The following VGLL1 variants were observed in gnomAD, a reference collection of about 807,000 sequenced individuals.
The protein encoded by VGLL1 is vestigial like family member 1.
Under a neutral mutation model 12.0 loss-of-function variants are expected in VGLL1, and 4 were observed. The observed-to-expected ratio is 0.33, with a 90% CI of 0.16 to 0.76. The LOEUF is 0.76. Among genes scored for constraint, VGLL1 ranks in the 30% least tolerant of loss-of-function variants. VGLL1 has a pLI of 0.60. For missense variants in VGLL1, 204 were observed against 208.7 expected (o/e 0.98, Z 0.14); for synonymous variants, 87 against 81.2 (o/e 1.07, Z -0.39).
intron 2 of VGLL1, among the ~76,000 whole-genome samples, chrX:136,545,730 G>T (rs1295658897): frequency 9.0e-6 from 1 of 111,391 alleles, no homozygotes; most frequent in East Asian, 2.8e-4. Context: ...TGGAGGGAAG[G>T]TACTCTGGAA....
chrX:136,536,270 T>C, intron 2 of VGLL1, 36 bp downstream of exon 2: 2 of 1,165,674 alleles, frequency 1.7e-6, no homozygotes, highest in Non-Finnish European at 2.3e-6. Context: ...TGGGATTCCC[T>C]ATCAAGGCTG....
intron 2 of VGLL1, 74 bp from the exon 3 acceptor site, chrX:136,548,515 G>A (rs1446185449): frequency 3.0e-6 from 3 of 1,015,582 alleles, no homozygotes; most frequent in Non-Finnish European, 4.0e-6. Flanking sequence ...AATAGAGTAT[G>A]TATTAAAAAA....
At chrX:136,548,498 T>TA (rs753971597) in intron 2 of VGLL1, 91 bp from the exon 3 acceptor site, 52 of 917,876 alleles carry the variant, frequency 5.7e-5, no homozygotes, top group Middle Eastern at 5.7e-4. Context: ...TCCTTCAAGT[T>TA]AAAAAAAATA....
intron 2 of VGLL1, 95 bp from the exon 3 acceptor site, chrX:136,548,494 A>T: frequency 1.1e-6 from 1 of 897,261 alleles, no homozygotes; most frequent in Non-Finnish European, 1.5e-6. Context: ...TATTTCCTTC[A>T]AGTTAAAAAA....
At chrX:136,537,812 C>A (rs980936454) in intron 2 of VGLL1, among the ~76,000 whole-genome samples, 101 of 109,982 alleles carry the variant, frequency 9.2e-4, no homozygotes, top group Middle Eastern at 4.2e-3. Context: ...GCGATCCTCC[C>A]ACTTCAGCCT....
At chrX:136,546,006 G>A (rs760155553) in intron 2 of VGLL1, among the ~76,000 whole-genome samples, 1 of 111,601 alleles carries the variant, frequency 9.0e-6, no homozygotes, top group East Asian at 2.8e-4. Context: ...GTTGAAGTTA[G>A]TGGAGTGGAA....
At position 136,537,906 on chromosome X, in the gene VGLL1, G is replaced by A. The variant is rs1353110658; in HGVS notation, c.214+1672G>A. 4.5e-5 allele frequency among the ~76,000 whole-genome samples: 5 copies of A among 110,015 alleles called. No individual in the cohort carries two copies. In the Admixed American group the frequency reaches 4.9e-4, roughly 11 times the overall value. ...ATTATTATTACTATAGGCCTGATGG[G>A]GCAGGAACACCAAAGCATCTATGAA... On this transcript the variant is annotated intron_variant, in intron 2 of 4. Transcript: ENST00000370634.
chrX:136,533,059 C>T (rs2075830431), intron 1 of VGLL1, among the ~76,000 whole-genome samples: 1 of 111,435 alleles, frequency 9.0e-6, no homozygotes. Context: ...TGAAGCTCCT[C>T]ATGTTTCTCC....
chrX:136,532,661 CTTTTTCTTTCTTTCTTCT>C (rs1569359257), intron 1 of VGLL1, among the ~76,000 whole-genome samples: 10 of 60,689 alleles, frequency 1.6e-4, no homozygotes, highest in Non-Finnish European at 2.9e-4. Flanking sequence ...TTCTTTCTTT[CTTTTTCTTTCTTTCTTCT>C]TTCTTTCTTT....
At chrX:136,543,808 G>A (rs2075862756) in intron 2 of VGLL1, among the ~76,000 whole-genome samples, 1 of 110,683 alleles carries the variant, frequency 9.0e-6, no homozygotes, top group African/African-American at 3.3e-5. Context: ...TGCAGAAAGA[G>A]GGAGAAGAGA....
At chrX:136,543,503 G>A (rs1398070563) in intron 2 of VGLL1, among the ~76,000 whole-genome samples, 2 of 111,628 alleles carry the variant, frequency 1.8e-5, no homozygotes, top group Non-Finnish European at 3.8e-5. Context: ...TTGTAGGCCA[G>A]GCATGGTGGC....
At chrX:136,555,467 G>A (rs1179224330) in intron 4 of VGLL1, among the ~76,000 whole-genome samples, 1 of 111,271 alleles carries the variant, frequency 9.0e-6, no homozygotes, top group South Asian at 3.8e-4. Context: ...TTTTTAAGAG[G>A]CAAATATTAG....
chrX:136,556,282 C>A (rs772791357), intron 4 of VGLL1, among the ~76,000 whole-genome samples, 169 bp from the exon 5 acceptor site: 2 of 111,748 alleles, frequency 1.8e-5, no homozygotes, highest in Non-Finnish European at 1.9e-5. Flanking sequence ...TACTCTGTAT[C>A]CAGAGCATTT....
At chrX:136,545,389 A>G (rs1028624312) in intron 2 of VGLL1, among the ~76,000 whole-genome samples, 5 of 111,822 alleles carry the variant, frequency 4.5e-5, no homozygotes, top group Admixed American at 1.9e-4. Flanking sequence ...CATTAGAATA[A>G]TACTTTTTCA....
At chrX:136,552,021 A>T (rs753918063) in intron 4 of VGLL1, among the ~76,000 whole-genome samples, 111 of 111,751 alleles carry the variant, frequency 9.9e-4, no homozygotes, top group Non-Finnish European at 3.8e-4. Context: ...GGCAATCTAT[A>T]GACCCCACTA....
At chrX:136,547,544 G>T (rs889820042) in intron 2 of VGLL1, among the ~76,000 whole-genome samples, 3 of 111,778 alleles carry the variant, frequency 2.7e-5, no homozygotes, top group African/African-American at 9.8e-5. Context: ...TTCCCTTCTT[G>T]GCTAATCTGT....
chrX:136,550,618 T>C, intron 3 of VGLL1, 150 bp from the exon 4 acceptor site: 2 of 423,752 alleles, frequency 4.7e-6, no homozygotes, highest in Non-Finnish European at 8.2e-6. Context: ...CAGAAGCTTC[T>C]CAGTTTTTGT....
At chrX:136,549,956 G>T (rs142646940) in intron 3 of VGLL1, among the ~76,000 whole-genome samples, 33 of 112,104 alleles carry the variant, frequency 2.9e-4, no homozygotes, top group African/African-American at 1.1e-3. Flanking sequence ...AGTGTTCCAT[G>T]CCTGAAAGAA....
chrX:136,552,508 G>C (rs929644206), intron 4 of VGLL1, among the ~76,000 whole-genome samples: 1 of 112,239 alleles, frequency 8.9e-6, no homozygotes, highest in Non-Finnish European at 1.9e-5. Flanking sequence ...ATTGTTCATA[G>C]ACTAAAACTA....
Sources: allele counts gnomAD v4.1 joint callset (sites outside exome capture counted in the v4.1 genomes callset), GRCh38; gene constraint gnomAD v4.1.1; transcripts MANE v1.5; gene names NCBI Gene and HGNC (gene_info 2026-07-23, HGNC 2026-07-21).